The following CDH12 variants were observed in gnomAD, a reference collection of about 807,000 sequenced individuals.
The protein encoded by CDH12 is cadherin 12.
A neutral mutation model predicts 74.1 loss-of-function variants in CDH12; 41 were observed. The observed-to-expected ratio is 0.55, with a 90% CI of 0.43 to 0.72. The LOEUF (loss-of-function observed/expected upper bound fraction) is 0.72, where lower values mean the gene tolerates loss of function less well. Among genes scored for constraint, CDH12 ranks in the 30% least tolerant of loss-of-function variants. The pLI is 0.00. For missense variants in CDH12, 945 were observed against 977.2 expected, an observed-to-expected ratio of 0.97 and a Z score of 0.44; for synonymous variants, 399 against 355.0, an observed-to-expected ratio of 1.12 and a Z score of -1.39.
chr5:21,757,269 G>A (rs1579643495), intron 13 of CDH12, among the ~76,000 whole-genome samples: 1 of 152,064 alleles, frequency 6.6e-6, no homozygotes, highest in Admixed American at 6.6e-5. Flanking sequence ...TCCGCCTCCT[G>A]GGTTCAAGCG....
intron 3 of CDH12, among the ~76,000 whole-genome samples, chr5:22,282,774 T>C (rs528623620): frequency 3.9e-5 from 6 of 151,936 alleles, no homozygotes; most frequent in Admixed American, 6.6e-5. Context: ...AACAGGAACA[T>C]TTTTACACTG....
intron 6 of CDH12, among the ~76,000 whole-genome samples, chr5:21,862,603 GCTA>G (rs1751103076): frequency 6.6e-6 from 1 of 151,958 alleles, no homozygotes; most frequent in Non-Finnish European, 1.5e-5. Flanking sequence ...TGCACCAGAT[GCTA>G]CTTTCAATGA....
At chr5:21,991,308 G>T (rs1227474047) in intron 5 of CDH12, among the ~76,000 whole-genome samples, 1 of 151,396 alleles carries the variant, frequency 6.6e-6, no homozygotes, top group Non-Finnish European at 1.5e-5. Flanking sequence ...TAACAGAAAT[G>T]GTTATTAAAA....
At chr5:22,186,625 C>T (rs1749963929) in intron 4 of CDH12, among the ~76,000 whole-genome samples, 1 of 152,164 alleles carries the variant, frequency 6.6e-6, no homozygotes, top group South Asian at 2.1e-4. Flanking sequence ...CGTGCATCAC[C>T]ATGCCCAGCT....
At chr5:22,780,041 T>G (rs1177420705) in intron 1 of CDH12, among the ~76,000 whole-genome samples, 1 of 152,166 alleles carries the variant, frequency 6.6e-6, no homozygotes, top group African/African-American at 2.4e-5. Context: ...GTGGCTTTGG[T>G]TTTTAAAATA....
chr5:22,720,438 CCT>C (rs1743821616), intron 1 of CDH12, among the ~76,000 whole-genome samples: 1 of 152,082 alleles, frequency 6.6e-6, no homozygotes, highest in Non-Finnish European at 1.5e-5. Flanking sequence ...TATAAATTAC[CCT>C]GTCTCAGGCA....
At chr5:22,437,482 TGAG>T (rs1335600653) in intron 2 of CDH12, among the ~76,000 whole-genome samples, 4 of 151,040 alleles carry the variant, frequency 2.6e-5, no homozygotes, top group Non-Finnish European at 5.9e-5. Flanking sequence ...ATCCATAAAG[TGAG>T]AATACATTAA....
chr5:21,968,976 T>C (rs1217632925), intron 6 of CDH12, among the ~76,000 whole-genome samples: 1 of 142,188 alleles, frequency 7.0e-6, no homozygotes, highest in Admixed American at 7.2e-5. Flanking sequence ...TGAGGCTTGA[T>C]GGGGGGTGGA....
At chr5:21,762,502 T>G (rs996104450) in intron 12 of CDH12, among the ~76,000 whole-genome samples, 1 of 152,110 alleles carries the variant, frequency 6.6e-6, no homozygotes, top group African/African-American at 2.4e-5. Flanking sequence ...TATATACATT[T>G]CTCATATATT....
intron 4 of CDH12, among the ~76,000 whole-genome samples, chr5:22,172,878 T>C (rs1204492279): frequency 6.6e-6 from 1 of 151,390 alleles, no homozygotes; most frequent in Non-Finnish European, 1.5e-5. Flanking sequence ...TGTGTCATTG[T>C]ATTGTACTGA....
chr5:21,790,053 G>C (rs188296172), intron 10 of CDH12, among the ~76,000 whole-genome samples: 316 of 152,160 alleles, frequency 2.1e-3, no homozygotes, highest in Non-Finnish European at 3.5e-3. Flanking sequence ...TTTCTGATTT[G>C]ATGAGGACTT....
intron 5 of CDH12, among the ~76,000 whole-genome samples, chr5:21,990,007 G>A (rs1757680797): frequency 6.6e-6 from 1 of 152,070 alleles, no homozygotes; most frequent in African/African-American, 2.4e-5. Context: ...TCTGGCTGAT[G>A]TACACTTTTC....
At chr5:22,505,928 G>A (rs183473862) in intron 1 of CDH12, among the ~76,000 whole-genome samples, 7 of 152,144 alleles carry the variant, frequency 4.6e-5, no homozygotes, top group Admixed American at 1.3e-4. Context: ...AAGGGTATGT[G>A]TGTCATCAGT....
At chr5:21,782,329 C>A (rs138291218) in intron 11 of CDH12, among the ~76,000 whole-genome samples, 1 of 152,122 alleles carries the variant, frequency 6.6e-6, no homozygotes, top group Non-Finnish European at 1.5e-5. Context: ...TCAAAATAAA[C>A]TAAAAGTAAT....
intron 1 of CDH12, among the ~76,000 whole-genome samples, chr5:22,687,915 C>G (rs1741895244): frequency 6.6e-6 from 1 of 152,146 alleles, no homozygotes; most frequent in Admixed American, 6.5e-5. Context: ...AAAATAAGCT[C>G]TGTCTCTTTC....
intron 1 of CDH12, among the ~76,000 whole-genome samples, chr5:22,534,196 T>G (rs1737720506): frequency 6.6e-6 from 1 of 152,238 alleles, no homozygotes; most frequent in South Asian, 2.1e-4. Flanking sequence ...TTACTTCTTT[T>G]TTTTTTAATT....
chr5:22,757,191 T>A (rs73742200), intron 1 of CDH12, among the ~76,000 whole-genome samples: 2,705 of 152,250 alleles, frequency 0.018, 82 homozygotes, highest in African/African-American at 0.061. Flanking sequence ...ATAAAAGCTA[T>A]CTCTTGAAGA....
intron 3 of CDH12, among the ~76,000 whole-genome samples, chr5:22,214,516 T>C (rs1190136529): frequency 1.3e-5 from 2 of 152,166 alleles, no homozygotes; most frequent in African/African-American, 4.8e-5. Flanking sequence ...CCAACTAGTC[T>C]TTAACACAAT....
At chr5:21,804,691 CACAT>C (rs1175791164) in intron 9 of CDH12, among the ~76,000 whole-genome samples, 129 of 136,856 alleles carry the variant, frequency 9.4e-4, no homozygotes, top group African/African-American at 3.4e-3. Context: ...CACACACACA[CACAT>C]AGATGTTTTA....
Sources: allele counts gnomAD v4.1 joint callset (sites outside exome capture counted in the v4.1 genomes callset), GRCh38; gene constraint gnomAD v4.1.1; transcripts MANE v1.5; gene names NCBI Gene and HGNC (gene_info 2026-07-23, HGNC 2026-07-21).